DNAI7: variants seen among roughly 807,000 people sequenced by gnomAD.
The protein encoded by DNAI7 is cancer susceptibility 1.
Under a neutral mutation model 86.6 loss-of-function variants are expected in DNAI7, and 78 were observed. The ratio of observed to expected loss-of-function variants is 0.90; its 90% CI spans 0.75 to 1.09. The LOEUF (loss-of-function observed/expected upper bound fraction) is 1.09, where lower values mean the gene tolerates loss of function less well. Ranked by LOEUF, DNAI7 falls within the 50% of genes least tolerant of loss-of-function variation. DNAI7 has a pLI of 0.00. For synonymous variants in DNAI7, 274 were observed against 273.0 expected (o/e 1.00, Z -0.04); for missense variants, 753 against 810.2 (o/e 0.93, Z 0.86).
intron 2 of DNAI7, among the ~76,000 whole-genome samples, chr12:25,161,479 T>A (rs1424626323): frequency 6.6e-6 from 1 of 152,166 alleles, no homozygotes; most frequent in Non-Finnish European, 1.5e-5. Context: ...AGTTTCCATA[T>A]CTTTAAAATG....
chr12:25,159,789 C>G (rs966144698), intron 3 of DNAI7, among the ~76,000 whole-genome samples: 7 of 151,468 alleles, frequency 4.6e-5, no homozygotes, highest in Non-Finnish European at 8.8e-5. Context: ...TCAGGAGTCA[C>G]CGAAAAAAAA....
chr12:25,145,809 A>C (rs1277503262), intron 8 of DNAI7, among the ~76,000 whole-genome samples: 2 of 152,248 alleles, frequency 1.3e-5, no homozygotes, highest in African/African-American at 4.8e-5. Flanking sequence ...TTTAAAGATC[A>C]AGCAGCAACC....
intron 9 of DNAI7, among the ~76,000 whole-genome samples, chr12:25,134,331 A>G (rs187074217): frequency 6.8e-6 from 1 of 147,166 alleles, no homozygotes; most frequent in Admixed American, 6.8e-5. Context: ...GCCATTCATT[A>G]TAATGGTTTT....
chr12:25,188,346 T>C (rs1950222552), intron 2 of DNAI7, among the ~76,000 whole-genome samples: 1 of 152,126 alleles, frequency 6.6e-6, no homozygotes, highest in Non-Finnish European at 1.5e-5. Context: ...AGATGTACAG[T>C]GGTTCTAGGA....
chr12:25,133,203 T>C lies in DNAI7; in HGVS notation c.1003-9917A>G, dbSNP rs1365556072. Reference sequence around the variant, plus strand: ...GGGTAAAGTGAGAATCGAAATTTCTTTTAAATCTTAGTCAACTGCCCCAGC... The same window carrying C: ...GGGTAAAGTGAGAATCGAAATTTCTCTTAAATCTTAGTCAACTGCCCCAGC... On this transcript the variant is annotated intron_variant, in intron 9 of 15. Transcript: ENST00000395987. Among the ~76,000 whole-genome samples the C allele has an allele frequency of 3.0e-4, 46 of 152,174 alleles. 1 individual carries two copies. Among genetic ancestry groups the C allele is most frequent in the Non-Finnish European group, 5.9e-5 (4 of 67,984 alleles).
intron 2 of DNAI7, among the ~76,000 whole-genome samples, chr12:25,179,103 A>T (rs1014880071): frequency 1.3e-5 from 2 of 152,118 alleles, no homozygotes; most frequent in Non-Finnish European, 2.9e-5. Context: ...CAATAAGTTT[A>T]AAATATTTTC....
At chr12:25,173,173 G>A (rs1592619635) in intron 2 of DNAI7, among the ~76,000 whole-genome samples, 1 of 152,116 alleles carries the variant, frequency 6.6e-6, no homozygotes, top group East Asian at 1.9e-4. Flanking sequence ...CCCACAACGT[G>A]AGAGAAAATC....
At chr12:25,191,261 A>C (rs1014302539) in intron 1 of DNAI7, among the ~76,000 whole-genome samples, 5 of 152,134 alleles carry the variant, frequency 3.3e-5, no homozygotes, top group African/African-American at 7.2e-5. Context: ...AAAAATTTTA[A>C]AAATTAGCCA....
chr12:25,113,954 T>G (rs917640617), intron 13 of DNAI7, among the ~76,000 whole-genome samples: 30 of 146,048 alleles, frequency 2.1e-4, no homozygotes, highest in East Asian at 9.7e-4. Context: ...TTTTTTTTTT[T>G]TTTTTTTTTG....
At chr12:25,161,759 T>C (rs962649709) in intron 2 of DNAI7, among the ~76,000 whole-genome samples, 3 of 152,144 alleles carry the variant, frequency 2.0e-5, no homozygotes, top group South Asian at 2.1e-4. Context: ...AGGTACAAGA[T>C]AGGGGATTGA....
intron 2 of DNAI7, among the ~76,000 whole-genome samples, chr12:25,172,790 A>G (rs1948288724): frequency 6.6e-6 from 1 of 152,212 alleles, no homozygotes; most frequent in African/African-American, 2.4e-5. Context: ...GAACCCAGAA[A>G]TAAACCCAAA....
intron 13 of DNAI7, among the ~76,000 whole-genome samples, chr12:25,112,920 T>TTAGA (rs1397908926): frequency 6.6e-6 from 1 of 152,178 alleles, no homozygotes; most frequent in East Asian, 1.9e-4. Context: ...AGCTACCACA[T>TTAGA]TAGACAGCAC....
intron 9 of DNAI7, among the ~76,000 whole-genome samples, chr12:25,140,036 G>A (rs902599790): frequency 6.6e-6 from 1 of 151,970 alleles, no homozygotes; most frequent in Non-Finnish European, 1.5e-5. Context: ...GCATAGAAGG[G>A]AAATGCCTTA....
rs140262765 is a variant in DNAI7, at chr12:25,112,508, A to G, written c.1612-569T>C. Among the ~76,000 whole-genome samples the G allele has an allele frequency of 7.5e-3, 1,072 of 143,690 alleles. 29 individuals are homozygous for G. Among genetic ancestry groups the G allele is most frequent in the East Asian group, 0.052 (259 of 4,966 alleles). 94.3% of individuals were successfully genotyped at this position (143,690 alleles called of 152,430 possible). A position where few individuals can be genotyped will look rare whatever the true frequency, so the allele number is the denominator to read the frequency against. ...TGCAAGCTCTGCCTCCCAGGTTCAC[A>G]CCATTCTCCTGCTTCAGCCTCCCTA... On this transcript the variant is annotated intron_variant, in intron 13 of 15. Transcript: ENST00000395987.
At chr12:25,141,201 G>A (rs1944148846) in intron 9 of DNAI7, among the ~76,000 whole-genome samples, 1 of 152,122 alleles carries the variant, frequency 6.6e-6, no homozygotes, top group Non-Finnish European at 1.5e-5. Context: ...CAACAACAAT[G>A]ATAAATAGAT....
chr12:25,169,247 C>T (rs542682241), intron 2 of DNAI7, among the ~76,000 whole-genome samples: 1 of 152,206 alleles, frequency 6.6e-6, no homozygotes, highest in South Asian at 2.1e-4. Flanking sequence ...TAACTGATGA[C>T]ATTATCTTGT....
rs954611918 is a variant in DNAI7 at position 25,114,719 on chromosome 12, A to C, written c.1548T>G (p.Leu516=). 21 of 1,613,802 alleles carry C rather than the reference A, an allele frequency of 1.3e-5. No individual in the cohort carries two copies. The highest frequency in any genetic ancestry group is 1.7e-5 in the Non-Finnish European group (20 of 1,179,846). ...CAGTTAAAAGTACTTTATTTACATC[A>C]AGTGGTCTTAGTTCCCATGACTGGT... ...MPYQSWELRP[L]DVNKVLLTVT... The change falls in exon 13 of 16, where the codon CTT becomes CTG. Residue 516 remains leucine (L), a synonymous_variant. Transcript: ENST00000395987.
chr12:25,157,837 A>ATTTTTTTTTTTTTT (rs66535304), intron 4 of DNAI7, among the ~76,000 whole-genome samples: 1 of 143,262 alleles, frequency 7.0e-6, no homozygotes. Context: ...AATATTTTGA[A>ATTTTTTTTTTTTTT]TTTTTTTTTT....
chr12:25,171,007 T>C (rs1008245671), intron 2 of DNAI7, among the ~76,000 whole-genome samples: 1 of 152,048 alleles, frequency 6.6e-6, no homozygotes, highest in African/African-American at 2.4e-5. Flanking sequence ...TAGCCCTAAA[T>C]GCCTACATCA....
Sources: gnomAD v4.1 joint callset for allele counts (sites outside exome capture counted in the v4.1 genomes callset) on GRCh38, gnomAD v4.1.1 for gene constraint, MANE v1.5 for transcripts, NCBI Gene and HGNC (gene_info 2026-07-23, HGNC 2026-07-21) for gene names.